LMBR1: variants seen among roughly 807,000 people sequenced by gnomAD.
The protein encoded by LMBR1 is limb development membrane protein 1, also known as limb region 1 protein homolog.
In LMBR1, 52 loss-of-function variants were observed where a neutral mutation model predicts 73.9. That is an observed-to-expected ratio of 0.70 (90% CI 0.56 to 0.89). LMBR1 has a LOEUF of 0.89. Among genes scored for constraint, LMBR1 ranks in the 40% least tolerant of loss-of-function variants. LMBR1 has a pLI of 0.00. For missense variants in LMBR1, 539 were observed against 579.8 expected (o/e 0.93, Z 0.72); for synonymous variants, 215 against 209.4 (o/e 1.03, Z -0.23).
chr7:156,826,555 G>A, intron 4 of LMBR1, 50 bp downstream of exon 4: 1 of 1,187,808 alleles, frequency 8.4e-7, no homozygotes, highest in Non-Finnish European at 1.1e-6. Flanking sequence ...ATATGGTGCA[G>A]TAAAAAATTA....
chr7:156,833,785 T>C lies in LMBR1; in HGVS notation c.147A>G (p.Gln49=). The C allele has an allele frequency of 1.9e-6, 3 of 1,594,466 alleles. No individual in the cohort carries two copies. Among genetic ancestry groups the C allele is most frequent in the Non-Finnish European group, 2.6e-6 (3 of 1,169,442 alleles). Residue 49 remains glutamine, a synonymous_variant, in exon 3 of 17, where the codon CAA becomes CAG. Coordinates refer to ENST00000353442, the MANE Select transcript of LMBR1 (RefSeq NM_022458.4). ...ITRYKRKSDE[Q]EDEDAIVNRI... Reference sequence around the variant, plus strand: ...TGTTGACGATGGCATCTTCATCTTCTTGTTCATCTGCAAAAATGTTTAAGG... The same window carrying C: ...TGTTGACGATGGCATCTTCATCTTCCTGTTCATCTGCAAAAATGTTTAAGG...
At chr7:156,715,879 T>TAAAATATTAATAGCAAACC (rs1399196995) in intron 15 of LMBR1, among the ~76,000 whole-genome samples, 16 of 152,328 alleles carry the variant, frequency 1.1e-4, no homozygotes, top group African/African-American at 3.8e-4. Flanking sequence ...AATGGTCTTT[T>TAAAATATTAATAGCAAACC]AAAATATTAA....
intron 3 of LMBR1, among the ~76,000 whole-genome samples, chr7:156,829,940 T>C (rs1836377875): frequency 6.6e-6 from 1 of 152,190 alleles, no homozygotes; most frequent in African/African-American, 2.4e-5. Flanking sequence ...TCAAAATGCT[T>C]CTGAAGCAGA....
At chr7:156,849,059 A>G (rs1795900003) in intron 1 of LMBR1, among the ~76,000 whole-genome samples, 1 of 152,170 alleles carries the variant, frequency 6.6e-6, no homozygotes, top group South Asian at 2.1e-4. Context: ...TACATGCATT[A>G]TATTCTTCAG....
At chr7:156,792,243 G>C (rs1829349470) in intron 5 of LMBR1, among the ~76,000 whole-genome samples, 1 of 152,076 alleles carries the variant, frequency 6.6e-6, no homozygotes, top group Admixed American at 6.6e-5. Flanking sequence ...GATGTTCCCT[G>C]AGCCCTAAGA....
intron 3 of LMBR1, among the ~76,000 whole-genome samples, chr7:156,826,971 A>G (rs1048809176): frequency 6.6e-6 from 1 of 152,222 alleles, no homozygotes; most frequent in African/African-American, 2.4e-5. Context: ...AAGTCTAACA[A>G]ATAGTACCTA....
chr7:156,756,328 TTATC>T (rs779508673), intron 9 of LMBR1, 61 bp downstream of exon 9: 26 of 804,746 alleles, frequency 3.2e-5, no homozygotes, highest in Non-Finnish European at 5.5e-5. Context: ...TTCTCTTCAA[TTATC>T]TATCTTTTTG....
chr7:156,806,832 G>A (rs111288382), intron 4 of LMBR1, among the ~76,000 whole-genome samples: 4,838 of 151,910 alleles, frequency 0.032, 125 homozygotes, highest in South Asian at 0.084. Context: ...GACTGGTCTC[G>A]AACTCCTGAC....
At position 156,727,788 on chromosome 7, in the gene LMBR1, C is replaced by T. The variant is rs527575546; in HGVS notation, c.993+142G>A. 16 of 384,872 alleles carry T rather than the reference C, an allele frequency of 4.2e-5. No individual in the cohort carries two copies. In the South Asian group the frequency reaches 1.4e-3, roughly 34 times the overall value. 23.8% of individuals were successfully genotyped at this position (384,872 alleles called of 1,614,324 possible). On this transcript the variant is annotated intron_variant, in intron 12 of 16. Coordinates refer to ENST00000353442, the MANE Select transcript of LMBR1 (RefSeq NM_022458.4). Reference sequence around the variant, plus strand: ...AAAATCACAGTTTATATTTTAAAGGCTCTTTGCATAAAGAAATTCATACAA... The same window carrying T: ...AAAATCACAGTTTATATTTTAAAGGTTCTTTGCATAAAGAAATTCATACAA...
intron 4 of LMBR1, among the ~76,000 whole-genome samples, chr7:156,817,492 C>CGG (rs1414171301): frequency 6.8e-6 from 1 of 146,856 alleles, no homozygotes; most frequent in Non-Finnish European, 1.5e-5. Flanking sequence ...TAAAAAGAGA[C>CGG]AGAGAGAGAG....
chr7:156,802,407 T>A (rs1831166849), intron 4 of LMBR1, among the ~76,000 whole-genome samples: 1 of 152,202 alleles, frequency 6.6e-6, no homozygotes, highest in Non-Finnish European at 1.5e-5. Context: ...CCTGCTACAG[T>A]GCTGAGTAAT....
chr7:156,881,718 G>A (rs1248982769), intron 1 of LMBR1, among the ~76,000 whole-genome samples: 4 of 151,552 alleles, frequency 2.6e-5, no homozygotes, highest in Admixed American at 2.6e-4. Flanking sequence ...ACATGTATAT[G>A]AAAAAATGCT....
At chr7:156,779,449 A>G (rs1383210737) in intron 5 of LMBR1, among the ~76,000 whole-genome samples, 2 of 152,354 alleles carry the variant, frequency 1.3e-5, no homozygotes, top group East Asian at 1.9e-4. Flanking sequence ...AACAACCTCA[A>G]TATTATAAAA....
At position 156,889,695 on chromosome 7, in the gene LMBR1, G is replaced by A. The variant is rs149157870; in HGVS notation, c.66+3233C>T. Among the ~76,000 whole-genome samples the A allele has an allele frequency of 3.5e-3, 526 of 152,280 alleles. 1 individual carries two copies. The highest frequency in any genetic ancestry group is 6.1e-3 in the Non-Finnish European group (414 of 68,028). ...AGGGGAGTAGACGAAGCTCTGGACTGTTTTACAATGTGTCCCTTTCTCAAC... is the reference window on the plus strand; with the variant it reads ...AGGGGAGTAGACGAAGCTCTGGACTATTTTACAATGTGTCCCTTTCTCAAC... On this transcript the variant is annotated intron_variant, in intron 1 of 16. Coordinates refer to ENST00000353442, the MANE Select transcript of LMBR1 (RefSeq NM_022458.4).
intron 15 of LMBR1, 84 bp downstream of exon 15, chr7:156,724,028 T>G (rs1815182437): frequency 1.1e-6 from 1 of 942,942 alleles, no homozygotes; most frequent in African/African-American, 1.7e-5. Flanking sequence ...AAGGTAATCT[T>G]TATGAGTAAA....
chr7:156,787,441 T>C (rs1828323135), intron 5 of LMBR1, among the ~76,000 whole-genome samples: 1 of 151,992 alleles, frequency 6.6e-6, no homozygotes. Flanking sequence ...CAATAGGATG[T>C]GCTGTTTAAC....
At chr7:156,738,746 G>A (rs969379093) in intron 9 of LMBR1, among the ~76,000 whole-genome samples, 3 of 152,082 alleles carry the variant, frequency 2.0e-5, no homozygotes, top group Admixed American at 6.5e-5. Flanking sequence ...ACCTTGAAGT[G>A]GGGGACTCAG....
intron 12 of LMBR1, chr7:156,726,117 A>G: frequency 3.6e-6 from 1 of 276,654 alleles, no homozygotes; most frequent in Non-Finnish European, 6.7e-6. Context: ...TACTGTTATA[A>G]AATGGGGCAA....
chr7:156,809,389 A>G (rs1020362050), intron 4 of LMBR1, among the ~76,000 whole-genome samples: 1 of 152,212 alleles, frequency 6.6e-6, no homozygotes, highest in Non-Finnish European at 1.5e-5. Context: ...GATTGGTTCC[A>G]AGACCTCCCA....
Sources: allele counts gnomAD v4.1 joint callset (sites outside exome capture counted in the v4.1 genomes callset), GRCh38; gene constraint gnomAD v4.1.1; transcripts MANE v1.5; gene names NCBI Gene and HGNC (gene_info 2026-07-23, HGNC 2026-07-21).